Variants in FAM184B observed in about 807,000 individuals in gnomAD.
FAM184B encodes the protein family with sequence similarity 184 member B.
FAM184B carries 111 observed loss-of-function variants against 135.9 expected under a neutral mutation model. The ratio of observed to expected loss-of-function variants is 0.82; its 90% CI spans 0.70 to 0.96. The LOEUF is 0.96. Ranked by LOEUF, FAM184B falls within the 40% of genes least tolerant of loss-of-function variation. The pLI is 0.00. For missense variants in FAM184B, 1,375 were observed against 1,323.9 expected (o/e 1.04, Z -0.60); for synonymous variants, 552 against 524.8 (o/e 1.05, Z -0.71).
chr4:17,695,155 C>CTGGGGTTTTTT (rs141899736), intron 5 of FAM184B, among the ~76,000 whole-genome samples: 35 of 135,108 alleles, frequency 2.6e-4, no homozygotes, highest in East Asian at 4.0e-4. Context: ...TACTGTTTTT[C>CTGGGGTTTTTT]TTTGTTGTTT....
chr4:17,664,484 A>G (rs902340920), intron 8 of FAM184B, 78 bp downstream of exon 8: 2 of 1,135,366 alleles, frequency 1.8e-6, no homozygotes, highest in Non-Finnish European at 2.5e-6. Flanking sequence ...TGAGGATAGA[A>G]TGAATGAATG....
intron 1 of FAM184B, among the ~76,000 whole-genome samples, chr4:17,735,681 C>A (rs1422275804): frequency 2.7e-5 from 4 of 150,334 alleles, no homozygotes; most frequent in African/African-American, 1.0e-4. Context: ...TTCATTTTTC[C>A]TCATTGCTCC....
intron 3 of FAM184B, among the ~76,000 whole-genome samples, chr4:17,706,306 G>A (rs138352325): frequency 2.0e-5 from 3 of 152,062 alleles, no homozygotes; most frequent in Admixed American, 1.3e-4. Flanking sequence ...ACCTCTGCTC[G>A]AAACCCACAA....
intron 1 of FAM184B, among the ~76,000 whole-genome samples, chr4:17,720,697 C>T (rs893775050): frequency 9.9e-5 from 15 of 151,574 alleles, no homozygotes; most frequent in Admixed American, 9.2e-4. Flanking sequence ...ACCATCCTGG[C>T]CAACATGGTG....
rs1164311883 is a variant in FAM184B at position 17,632,567 on chromosome 4, G to T, written c.3148C>A (p.His1050Asn). 6.4e-7 allele frequency: 1 copy of T among 1,551,502 alleles called. No homozygotes were observed. Reference protein sequence around the residue: ...KEVQQKQGSPHQEWFTKYFSF With the variant: ...KEVQQKQGSPNQEWFTKYFSF ...AAGTACTTGGTGAACCATTCCTGGT[G>T]CGGAGAGCCCTGTTTCTGCTGGACT... Residue 1050 changes from histidine (H) to asparagine (N), a missense_variant, in exon 18 of 18, where the codon CAC becomes AAC. His to Asn is a moderately conservative substitution (Grantham distance 68). Coordinates refer to ENST00000265018, the MANE Select transcript of FAM184B (RefSeq NM_015688.2).
chr4:17,705,672 A>G, intron 4 of FAM184B, 80 bp downstream of exon 4: 1 of 1,486,554 alleles, frequency 6.7e-7, no homozygotes, highest in Non-Finnish European at 9.0e-7. Flanking sequence ...ATGCTTGGGG[A>G]CTGGCCTCTA....
chr4:17,695,840 G>A (rs1716845418), intron 5 of FAM184B, among the ~76,000 whole-genome samples: 1 of 152,134 alleles, frequency 6.6e-6, no homozygotes, highest in South Asian at 2.1e-4. Flanking sequence ...AGGGTTCTGG[G>A]TTGGAGTATG....
At chr4:17,672,884 C>T (rs1474085540) in intron 7 of FAM184B, among the ~76,000 whole-genome samples, 1 of 152,034 alleles carries the variant, frequency 6.6e-6, no homozygotes, top group African/African-American at 2.4e-5. Flanking sequence ...TAGGGTGATA[C>T]TGCCTTCATA....
intron 1 of FAM184B, among the ~76,000 whole-genome samples, chr4:17,712,886 G>A (rs1317279104): frequency 1.3e-5 from 2 of 152,218 alleles, no homozygotes; most frequent in Non-Finnish European, 2.9e-5. Flanking sequence ...GTCTGTGCAT[G>A]TGTGCATTCA....
At chr4:17,703,942 A>AG (rs397756862) in intron 5 of FAM184B, among the ~76,000 whole-genome samples, 2 of 151,316 alleles carry the variant, frequency 1.3e-5, no homozygotes, top group Admixed American at 6.6e-5. Flanking sequence ...AAAAAAAAAA[A>AG]GCAAAAAGCA....
chr4:17,715,746 A>C (rs2108969606), intron 1 of FAM184B, among the ~76,000 whole-genome samples: 1 of 152,264 alleles, frequency 6.6e-6, no homozygotes, highest in Non-Finnish European at 1.5e-5. Context: ...TCATGCTGGA[A>C]ACCATAAATG....
chr4:17,723,369 A>G (rs1335162794), intron 1 of FAM184B, among the ~76,000 whole-genome samples: 1 of 152,188 alleles, frequency 6.6e-6, no homozygotes, highest in African/African-American at 2.4e-5. Context: ...ACAAAACCCA[A>G]ACATCCATTT....
chr4:17,640,638 G>C (rs73800321), intron 13 of FAM184B, among the ~76,000 whole-genome samples: 4,852 of 152,214 alleles, frequency 0.032, 244 homozygotes, highest in African/African-American at 0.11. Flanking sequence ...GCAATTTTAT[G>C]ATTGGCATTA....
chr4:17,632,746 G>A, intron 17 of FAM184B, 121 bp from the exon 18 acceptor site: 1 of 659,106 alleles, frequency 1.5e-6, no homozygotes, highest in Non-Finnish European at 2.6e-6. Context: ...ACCCAAATGG[G>A]ACTGGCCAAC....
At chr4:17,698,282 C>T (rs1716909253) in intron 5 of FAM184B, among the ~76,000 whole-genome samples, 1 of 152,070 alleles carries the variant, frequency 6.6e-6, no homozygotes, top group South Asian at 2.1e-4. Flanking sequence ...TTTTATGGCA[C>T]CCATTTTACA....
chr4:17,663,829 C>T lies in FAM184B; in HGVS notation c.1694+733G>A, dbSNP rs572441871. Among the ~76,000 whole-genome samples, 6 of 152,190 alleles carry T rather than the reference C, an allele frequency of 3.9e-5. No individual in the cohort carries two copies. In the South Asian group the frequency reaches 1.2e-3, roughly 32 times the overall value. ...GGTGATTGGATCATGGGGGCCGTTT[C>T]CCCCATGCTGTTCTTGTGATAGTGA... On this transcript the variant is annotated intron_variant, in intron 8 of 17. Coordinates refer to ENST00000265018, the MANE Select transcript of FAM184B (RefSeq NM_015688.2).
intron 3 of FAM184B, among the ~76,000 whole-genome samples, chr4:17,706,333 GCAGAAC>G (rs1335371918): frequency 6.6e-6 from 1 of 152,088 alleles, no homozygotes; most frequent in African/African-American, 2.4e-5. Context: ...TCTGGTTCCT[GCAGAAC>G]CAGTACCTCC....
At chr4:17,733,381 G>C (rs540589697) in intron 1 of FAM184B, among the ~76,000 whole-genome samples, 5 of 152,284 alleles carry the variant, frequency 3.3e-5, no homozygotes, top group Admixed American at 3.3e-4. Context: ...TAGGAAAAGA[G>C]GAAGTCAAAT....
intron 10 of FAM184B, among the ~76,000 whole-genome samples, chr4:17,654,480 A>G (rs12507142): frequency 0.59 from 89,388 of 151,652 alleles, 27,031 homozygotes; most frequent in East Asian, 0.89. Context: ...ACCACGCCCC[A>G]GCACCCGCCC....
Sources: allele counts gnomAD v4.1 joint callset (sites outside exome capture counted in the v4.1 genomes callset), GRCh38; gene constraint gnomAD v4.1.1; transcripts MANE v1.5; gene names NCBI Gene and HGNC (gene_info 2026-07-23, HGNC 2026-07-21).